DLG5: variants seen among roughly 807,000 people sequenced by gnomAD.
DLG5 encodes discs large MAGUK scaffold protein 5, also known as disks large homolog 5.
DLG5 carries 48 observed loss-of-function variants against 189.8 expected under a neutral mutation model. The observed-to-expected ratio is 0.25, with a 90% CI of 0.20 to 0.32. The LOEUF (loss-of-function observed/expected upper bound fraction) is 0.32. Among genes scored for constraint, DLG5 ranks in the 10% least tolerant of loss-of-function variants. DLG5 has a pLI of 1.00. For synonymous variants in DLG5, 1,016 were observed against 1,054.1 expected (o/e 0.96, Z 0.70); for missense variants, 2,160 against 2,544.7 (o/e 0.85, Z 3.25).
At chr10:77,938,629 C>A in the DLG5 span, among the ~76,000 whole-genome samples, 9 of 152,140 alleles carry the variant, frequency 5.9e-5, no homozygotes, top group Non-Finnish European at 1.3e-4. Context: ...AGCCACAAAG[C>A]AAATTGAAGC....
At chr10:77,875,970 T>C (rs568877000) in intron 1 of DLG5, among the ~76,000 whole-genome samples, 3 of 152,060 alleles carry the variant, frequency 2.0e-5, no homozygotes, top group South Asian at 2.1e-4. Flanking sequence ...GAGGTATAGG[T>C]TGACCATGGC....
chr10:77,811,763 GCC>G (rs1841784196), intron 22 of DLG5, among the ~76,000 whole-genome samples, 159 bp downstream of exon 22: 1 of 152,116 alleles, frequency 6.6e-6, no homozygotes, highest in Non-Finnish European at 1.5e-5. Context: ...CTCTATATAT[GCC>G]CCTTTTCCAA....
At chr10:77,880,831 G>A (rs537084812) in intron 1 of DLG5, among the ~76,000 whole-genome samples, 2 of 152,212 alleles carry the variant, frequency 1.3e-5, no homozygotes, top group Admixed American at 6.5e-5. Context: ...CCTACAAGGT[G>A]GGCCACTATC....
chr10:77,933,892 C>T, the DLG5 span, among the ~76,000 whole-genome samples: 1 of 150,596 alleles, frequency 6.6e-6, no homozygotes, highest in Non-Finnish European at 1.5e-5. Flanking sequence ...CTTTAAAATA[C>T]GGAGAGTAGG....
intron 15 of DLG5, 61 bp from the exon 16 acceptor site, chr10:77,820,079 C>G: frequency 6.2e-7 from 1 of 1,600,972 alleles, no homozygotes; most frequent in Non-Finnish European, 8.5e-7. Context: ...GGCGCAGTGG[C>G]TCACACCTAT....
At chr10:77,812,521 G>T in intron 20 of DLG5, 144 bp from the exon 21 acceptor site, 1 of 912,632 alleles carries the variant, frequency 1.1e-6, no homozygotes, top group South Asian at 1.7e-5. Context: ...GCTACATGGG[G>T]ACATGGTGGG....
At chr10:77,850,046 T>TC (rs763490442) in intron 5 of DLG5, among the ~76,000 whole-genome samples, 94 of 152,272 alleles carry the variant, frequency 6.2e-4, no homozygotes, top group Non-Finnish European at 8.7e-4. Context: ...TCTTTTTTTT[T>TC]CCTCTCTGAG....
At chr10:77,871,180 T>C (rs1241219575) in intron 1 of DLG5, among the ~76,000 whole-genome samples, 3 of 152,142 alleles carry the variant, frequency 2.0e-5, no homozygotes, top group Admixed American at 6.5e-5. Context: ...AGATTTGTTC[T>C]TGATGGCCTC....
chr10:77,896,611 G>T lies in DLG5; in HGVS notation c.305-27414C>A, dbSNP rs139024433. On this transcript the variant is annotated intron_variant, in intron 1 of 31. Transcript: ENST00000372391. ...ATCCCAGCACTTTGGGAGGCCAAGG[G>T]GGGGTGGATCACTGAGGTCAGGAGT... 1.1e-4 allele frequency among the ~76,000 whole-genome samples: 17 copies of T among 152,162 alleles called. No homozygotes were observed. In the East Asian group the frequency reaches 2.3e-3, roughly 21 times the overall value.
At chr10:77,845,676 G>C (rs1339659717) in intron 5 of DLG5, among the ~76,000 whole-genome samples, 1 of 151,450 alleles carries the variant, frequency 6.6e-6, no homozygotes, top group Admixed American at 6.6e-5. Flanking sequence ...GAGGGAGGGA[G>C]AGAGGGAGGG....
intron 1 of DLG5, among the ~76,000 whole-genome samples, chr10:77,888,939 T>C (rs977203848): frequency 6.6e-6 from 1 of 151,976 alleles, no homozygotes; most frequent in Non-Finnish European, 1.5e-5. Flanking sequence ...AACGTCTCCA[T>C]TCCCCCTAGG....
chr10:77,929,342 A>G (rs916579393), upstream of DLG5: 5 of 152,154 alleles, frequency 3.3e-5, no homozygotes, highest in African/African-American at 9.7e-5. Context: ...ACCCGGACCA[A>G]TTTTAGGATT....
At chr10:77,842,450 G>A (rs1843470383) in intron 6 of DLG5, among the ~76,000 whole-genome samples, 1 of 152,168 alleles carries the variant, frequency 6.6e-6, no homozygotes. Flanking sequence ...AGAAACAACA[G>A]CATATTTCTC....
At chr10:77,895,110 T>C (rs567571949) in intron 1 of DLG5, among the ~76,000 whole-genome samples, 2 of 152,336 alleles carry the variant, frequency 1.3e-5, no homozygotes, top group African/African-American at 2.4e-5. Flanking sequence ...CCATCAGGGC[T>C]CACTCTGCAG....
intron 29 of DLG5, 74 bp from the exon 30 acceptor site, chr10:77,795,032 G>T: frequency 1.7e-6 from 2 of 1,210,966 alleles, no homozygotes; most frequent in South Asian, 1.3e-5. Context: ...CCACCAGCAG[G>T]ACCCACCTCA....
chr10:77,897,133 A>G lies in DLG5; in HGVS notation c.305-27936T>C, dbSNP rs545768400. Among the ~76,000 whole-genome samples, 62 of 152,218 alleles carry G rather than the reference A, an allele frequency of 4.1e-4. 1 individual carries two copies. Among genetic ancestry groups the G allele is most frequent in the African/African-American group, 1.4e-3 (59 of 41,558 alleles). ...CACTTTGGGAGGCTGAGGCGGGCAG[A>G]TCACCTGAGGTCAGGAGTTCAAGAC... On this transcript the variant is annotated intron_variant, in intron 1 of 31. Coordinates refer to ENST00000372391, the MANE Select transcript of DLG5 (RefSeq NM_004747.4).
chr10:77,838,232 C>T (rs1407622197), intron 7 of DLG5, among the ~76,000 whole-genome samples: 2 of 152,232 alleles, frequency 1.3e-5, no homozygotes, highest in African/African-American at 4.8e-5. Context: ...TGCCCTTCTA[C>T]AGACGGAACT....
intron 1 of DLG5, among the ~76,000 whole-genome samples, chr10:77,909,560 A>G (rs1846158446): frequency 6.6e-6 from 1 of 152,054 alleles, no homozygotes; most frequent in Non-Finnish European, 1.5e-5. Flanking sequence ...AAATTTCACA[A>G]CTTCCCACAG....
chr10:77,849,444 C>T (rs573284215), intron 5 of DLG5, among the ~76,000 whole-genome samples: 28 of 152,374 alleles, frequency 1.8e-4, no homozygotes, highest in Admixed American at 1.6e-3. Flanking sequence ...CTGATGAAGG[C>T]AAGGGGGCCC....
Sources: gnomAD v4.1 joint callset for allele counts (sites outside exome capture counted in the v4.1 genomes callset) on GRCh38, gnomAD v4.1.1 for gene constraint, MANE v1.5 for transcripts, NCBI Gene and HGNC (gene_info 2026-07-23, HGNC 2026-07-21) for gene names.